DSC2: variants seen among roughly 807,000 people sequenced by gnomAD.
DSC2 encodes desmocollin 2, also known as desmocollin-2.
A neutral mutation model predicts 87.6 loss-of-function variants in DSC2; 51 were observed. The ratio of observed to expected loss-of-function variants is 0.58; its 90% CI spans 0.46 to 0.74. The LOEUF is 0.74. Among genes scored for constraint, DSC2 ranks in the 30% least tolerant of loss-of-function variants. The pLI, the probability that DSC2 is intolerant of heterozygous loss-of-function variation, is 0.00. For missense variants in DSC2, 1,066 were observed against 1,089.5 expected (o/e 0.98, Z 0.30); for synonymous variants, 383 against 393.2 (o/e 0.97, Z 0.31).
rs78849616 is a variant in DSC2 at position 31,071,089 on chromosome 18, C to A, written c.2126-239G>T. Among the ~76,000 whole-genome samples the A allele has an allele frequency of 9.6e-3, 1,456 of 152,052 alleles. 22 individuals are homozygous for A. The highest frequency in any genetic ancestry group is 0.033 in the African/African-American group (1,379 of 41,470). On this transcript the variant is annotated intron_variant, in intron 13 of 15. Transcript: ENST00000280904. ...AAACAGATATGCTATAATTATGTTACATGTTCTGTTTCTACATTGAATTTT... is the reference window on the plus strand; with the variant it reads ...AAACAGATATGCTATAATTATGTTAAATGTTCTGTTTCTACATTGAATTTT...
chr18:31,086,802 T>C (rs1987416377), intron 6 of DSC2, 60 bp from the exon 7 acceptor site: 2 of 1,546,110 alleles, frequency 1.3e-6, no homozygotes, highest in Non-Finnish European at 1.8e-6. Flanking sequence ...GTTCCCTTTA[T>C]TTCATTCCTT....
chr18:31,086,543 G>C lies in DSC2; in HGVS notation c.942+33C>G, dbSNP rs199748676. ...TATACAGGTACTATTGAATAGCCACGTTATAATCAGGTTTTATTAATGTTT... is the reference window on the plus strand; with the variant it reads ...TATACAGGTACTATTGAATAGCCACCTTATAATCAGGTTTTATTAATGTTT... On this transcript the variant is annotated intron_variant, in intron 7 of 15. Coordinates refer to ENST00000280904, the MANE Select transcript of DSC2 (RefSeq NM_024422.6). The C allele has an allele frequency of 1.1e-5, 18 of 1,613,196 alleles. No homozygotes were observed. In the African/African-American group the frequency reaches 2.3e-4, roughly 20 times the overall value.
chr18:31,086,724 A>G lies in DSC2; in HGVS notation c.794T>C (p.Val265Ala). The G allele has an allele frequency of 3.1e-6, 5 of 1,614,074 alleles. No individual in the cohort carries two copies. Among genetic ancestry groups the G allele is most frequent in the Non-Finnish European group, 4.2e-6 (5 of 1,179,984 alleles). The change falls in exon 7 of 16, where the codon GTG (valine) becomes GCG (alanine). Residue 265 changes from valine to alanine, a missense_variant. Physicochemically the swap from Val to Ala is moderately conservative, Grantham distance 64. Coordinates refer to ENST00000280904, the MANE Select transcript of DSC2 (RefSeq NM_024422.6). ...NCRVGTTVGQ[V>A]CATDKDEPDT... ...AGGCTCATCTTTGTCAGTAGCACAC[A>G]CTTGTCCCACAGTAGTGCCTAGAGA...
In DSC2 at chr18:31,061,882, TC is replaced by T. The variant is rs1286350439; in HGVS notation, c.*6132del. 1 of 152,122 alleles carries T rather than the reference TC, an allele frequency of 6.6e-6. No homozygotes were observed. The highest frequency in any genetic ancestry group is 1.5e-5 in the Non-Finnish European group (1 of 68,016). 9.4% of individuals were successfully genotyped at this position (152,122 alleles called of 1,614,324 possible). On this transcript the variant is annotated 3_prime_UTR_variant, in exon 16 of 16. Transcript: ENST00000280904. ...CAGATCCTACTTCTCAAGATTTCAG[TC>T]CTCAAACCTAGAAAACCAGAACTGG...
rs535297742 is a variant in DSC2, at chr18:31,078,841, A to T, written c.1663+1006T>A. 5.3e-5 allele frequency among the ~76,000 whole-genome samples: 8 copies of T among 152,286 alleles called. No homozygotes were observed. The East Asian group carries it at 1.5e-3, about 29-fold the overall frequency. On this transcript the variant is annotated intron_variant, in intron 11 of 15. Transcript: ENST00000280904. ...TTATTTTACAAAGACATAAAGTTCA[A>T]ATTCATGTTATAGAAATTATATTTT... is the stretch of plus-strand genomic sequence containing the variant.
chr18:31,091,709 T>C (rs1987605158), intron 3 of DSC2: 1 of 410,596 alleles, frequency 2.4e-6, no homozygotes, highest in Non-Finnish European at 4.9e-6. Context: ...CCTCCTAAAA[T>C]AGTTATCTAT....
In DSC2 at chr18:31,071,711, G is replaced by A. The variant is rs201469817; in HGVS notation, c.2019C>T (p.Thr673=). ...SLDVTLCDCI[T]ENDCTHRVDP... ...CTACACGATGTGTGCAGTCATTTTC[G>A]GTAATGCAGTCACACAGTGTAACAT... The change falls in exon 13 of 16, where the codon ACC becomes ACT. Residue 673 remains threonine (T), a synonymous_variant. Coordinates refer to ENST00000280904, the MANE Select transcript of DSC2 (RefSeq NM_024422.6). The A allele has an allele frequency of 2.0e-4, 329 of 1,613,974 alleles. No individual in the cohort carries two copies. In the East Asian group the frequency reaches 4.2e-3, roughly 21 times the overall value.
At chr18:31,088,998 T>C (rs1218674431) in intron 5 of DSC2, among the ~76,000 whole-genome samples, 4 of 151,834 alleles carry the variant, frequency 2.6e-5, no homozygotes, top group Non-Finnish European at 5.9e-5. Context: ...ACCCCATCTC[T>C]ACTAAAAATA....
chr18:31,093,847 A>G (rs1355034070), intron 1 of DSC2, among the ~76,000 whole-genome samples: 1 of 149,802 alleles, frequency 6.7e-6, no homozygotes, highest in East Asian at 1.9e-4. Flanking sequence ...ATGAATTTAT[A>G]TTTATAATTA....
chr18:31,062,632 C>A lies in DSC2; in HGVS notation c.*5383G>T, dbSNP rs978659419. The A allele has an allele frequency of 6.6e-6, 1 of 152,118 alleles. No homozygotes were observed. The highest frequency in any genetic ancestry group is 1.5e-5 in the Non-Finnish European group (1 of 68,026). The allele number at this position is 152,118 out of a possible 1,614,324, so 9.4% of individuals were successfully genotyped here. A position where few individuals can be genotyped will look rare whatever the true frequency, so the allele number is the denominator to read the frequency against. On this transcript the variant is annotated 3_prime_UTR_variant, in exon 16 of 16. Coordinates refer to ENST00000280904, the MANE Select transcript of DSC2 (RefSeq NM_024422.6). ...TCTACTGCTCTACATGTTAGGCATACAGTGGTCAAGAAGACAGAGGAGAAC... is the reference window on the plus strand; with the variant it reads ...TCTACTGCTCTACATGTTAGGCATAAAGTGGTCAAGAAGACAGAGGAGAAC...
intron 9 of DSC2, among the ~76,000 whole-genome samples, chr18:31,080,828 C>G (rs2144815548): frequency 6.6e-6 from 1 of 152,240 alleles, no homozygotes; most frequent in South Asian, 2.1e-4. Flanking sequence ...ACTATCCAGT[C>G]TCAGGTAGTT....
chr18:31,082,917 T>A lies in DSC2; in HGVS notation c.1077+9A>T, dbSNP rs369381870. 6.2e-7 allele frequency: 1 copy of A among 1,612,670 alleles called. No individual in the cohort carries two copies. Among genetic ancestry groups the A allele is most frequent in the African/African-American group, 1.3e-5 (1 of 74,878 alleles). On this transcript the variant is annotated intron_variant, in intron 8 of 15. Transcript: ENST00000280904. ...ATACATTTTTCTTTAATTAATATCA[T>A]ACACTTACAGAAGTACGAGTAAATG...
Position 31,086,602 on chromosome 18 carries a change from T to C in DSC2, c.916A>G (p.Thr306Ala). The C allele has an allele frequency of 6.2e-7, 1 of 1,614,152 alleles. No homozygotes were observed. The highest frequency in any genetic ancestry group is 8.5e-7 in the Non-Finnish European group (1 of 1,180,002). ...TCTCTGTCTAGCTGAGATGATGTTG[T>C]GGTGATCACGCCTGTAGTTGGATGC... ...SMHPTTGVIT[T>A]TSSQLDRELI... Residue 306 changes from threonine to alanine, a missense_variant, in exon 7 of 16, where the codon ACA (threonine) becomes GCA (alanine). Thr to Ala is a moderately conservative substitution (Grantham distance 58). Transcript: ENST00000280904.
chr18:31,101,022 G>T (rs1209275490), intron 1 of DSC2, among the ~76,000 whole-genome samples: 1 of 151,990 alleles, frequency 6.6e-6, no homozygotes, highest in Non-Finnish European at 1.5e-5. Context: ...TCTGGGAAGG[G>T]GTAGGGTCAT....
intron 1 of DSC2, 87 bp downstream of exon 1, chr18:31,101,815 AC>A: frequency 1.7e-5 from 7 of 405,764 alleles, no homozygotes; most frequent in South Asian, 4.7e-5. Context: ...TTTTCCCGCC[AC>A]CCCCACCTAT....
At chr18:31,093,220 G>T (rs1987657858) in intron 2 of DSC2, among the ~76,000 whole-genome samples, 1 of 152,152 alleles carries the variant, frequency 6.6e-6, no homozygotes, top group Admixed American at 6.6e-5. Context: ...ATGTTGGTTT[G>T]CTGCACCTAT....
Position 31,091,089 on chromosome 18 carries a change from G to A in DSC2, c.413C>T (p.Ala138Val). 6.2e-7 allele frequency: 1 copy of A among 1,614,018 alleles called. No homozygotes were observed. Among genetic ancestry groups the A allele is most frequent in the Non-Finnish European group, 8.5e-7 (1 of 1,179,948 alleles). ...KVLRRAKRRW[A>V]PIPCSMLENS... ...TTCTAGCATCGAACAAGGAATTGGA[G>A]CCCATCTTCTCTTGGCGCGCCTTAG... Residue 138 changes from alanine to valine, a missense_variant, in exon 4 of 16, where the codon GCT becomes GTT. Ala to Val is a moderately conservative substitution (Grantham distance 64). Coordinates refer to ENST00000280904, the MANE Select transcript of DSC2 (RefSeq NM_024422.6).
chr18:31,077,516 A>AGTTG, intron 11 of DSC2, among the ~76,000 whole-genome samples: 1 of 152,240 alleles, frequency 6.6e-6, no homozygotes. Context: ...ACAGTTGCTC[A>AGTTG]CTGATTAAAC....
chr18:31,068,101 C>G lies in DSC2; in HGVS notation c.2620G>C (p.Glu874Gln), dbSNP rs1395671324. ...TCAAGCCCATCTTCTTCTTGTCGTT[C>G]ACTGCAACAACCTACAGACCCAGCC... ...SVAGSVGCCS[E>Q]RQEEDGLEFL... is the part of the protein sequence containing the mutation. Residue 874 changes from glutamate to glutamine, a missense_variant, in exon 16 of 16, where the codon GAA becomes CAA. Physicochemically the swap from Glu to Gln is conservative, Grantham distance 29 (BLOSUM62 2). Coordinates refer to ENST00000280904, the MANE Select transcript of DSC2 (RefSeq NM_024422.6). 6.2e-7 allele frequency: 1 copy of G among 1,614,030 alleles called. No individual in the cohort carries two copies. The highest frequency in any genetic ancestry group is 1.7e-5 in the Admixed American group (1 of 60,002).
Sources: gnomAD v4.1 joint callset for allele counts (sites outside exome capture counted in the v4.1 genomes callset) on GRCh38, gnomAD v4.1.1 for gene constraint, MANE v1.5 for transcripts, NCBI Gene and HGNC (gene_info 2026-07-23, HGNC 2026-07-21) for gene names.